The following UBE2L3 variants were observed in gnomAD, a reference collection of about 807,000 sequenced individuals.
The protein encoded by UBE2L3 is ubiquitin conjugating enzyme E2 L3.
In UBE2L3, 1 loss-of-function variant was observed where a neutral mutation model predicts 17.8. The observed-to-expected ratio is 0.06, with a 90% CI of 0.02 to 0.27. The LOEUF (loss-of-function observed/expected upper bound fraction) is 0.27. Ranked by LOEUF, UBE2L3 falls within the 10% of genes least tolerant of loss-of-function variation. The pLI is 1.00. For missense variants in UBE2L3, 40 were observed against 192.6 expected, an observed-to-expected ratio of 0.21 and a Z score of 4.69; for synonymous variants, 44 against 68.5, an observed-to-expected ratio of 0.64 and a Z score of 1.76.
chr22:21,614,560 C>G, intron 3 of UBE2L3: 4 of 1,367,490 alleles, frequency 2.9e-6, no homozygotes, highest in Non-Finnish European at 3.9e-6. Context: ...TCCTTAGAAA[C>G]TTCAGCGTTC....
At chr22:21,601,189 A>G (rs1406283370) in intron 2 of UBE2L3, among the ~76,000 whole-genome samples, 1 of 152,016 alleles carries the variant, frequency 6.6e-6, no homozygotes, top group African/African-American at 2.4e-5. Context: ...CAATCAATCA[A>G]TCAATCATAC....
chr22:21,573,417 C>G (rs1450305202), intron 1 of UBE2L3, among the ~76,000 whole-genome samples: 3 of 152,118 alleles, frequency 2.0e-5, no homozygotes, highest in African/African-American at 4.8e-5. Flanking sequence ...AACTTTTTGA[C>G]CTTTGAGACT....
At chr22:21,561,438 C>G (rs1165107694) in intron 1 of UBE2L3, among the ~76,000 whole-genome samples, 1 of 152,292 alleles carries the variant, frequency 6.6e-6, no homozygotes, top group Admixed American at 6.5e-5. Context: ...AAAAATTAGC[C>G]AGGCATGGAG....
chr22:21,589,484 G>T (rs1928144066), intron 1 of UBE2L3, among the ~76,000 whole-genome samples: 1 of 152,146 alleles, frequency 6.6e-6, no homozygotes, highest in Admixed American at 6.6e-5. Context: ...CTGTCCACAG[G>T]ACCGTCTTGT....
rs776307959 is a variant in UBE2L3 at position 21,605,384 on chromosome 22, A to AT, written c.124-5467dup. Among the ~76,000 whole-genome samples the AT allele has an allele frequency of 5.7e-4, 86 of 151,522 alleles. 1 individual carries two copies. The highest frequency in any genetic ancestry group is 1.0e-3 in the Non-Finnish European group (70 of 67,842). ...AGGTGCGTGCCACCACGCCCAGCTA[A>AT]TTTTTTGTATTTTTAGTAGAGACAG... is the stretch of plus-strand genomic sequence containing the variant. On this transcript the variant is annotated intron_variant, in intron 2 of 3. Coordinates refer to ENST00000342192, the MANE Select transcript of UBE2L3 (RefSeq NM_003347.4).
intron 1 of UBE2L3, among the ~76,000 whole-genome samples, chr22:21,559,239 T>G (rs574209038): frequency 6.6e-6 from 1 of 152,278 alleles, no homozygotes; most frequent in South Asian, 2.1e-4. Context: ...TCCCAGCTAC[T>G]CGGGAGGCTG....
chr22:21,593,793 G>C (rs1290683186), intron 2 of UBE2L3, among the ~76,000 whole-genome samples: 1 of 151,988 alleles, frequency 6.6e-6, no homozygotes, highest in Admixed American at 6.6e-5. Context: ...TTTGGAGCAC[G>C]GGCAGCATTC....
intron 1 of UBE2L3, among the ~76,000 whole-genome samples, 188 bp from the exon 2 acceptor site, chr22:21,592,673 A>T (rs1012928132): frequency 1.3e-5 from 2 of 152,236 alleles, no homozygotes; most frequent in Middle Eastern, 3.4e-3. Flanking sequence ...AGAGGCAACA[A>T]CCTTGCAGAG....
chr22:21,619,333 G>A (rs1364094663), intron 3 of UBE2L3, among the ~76,000 whole-genome samples: 1 of 152,188 alleles, frequency 6.6e-6, no homozygotes, highest in Non-Finnish European at 1.5e-5. Flanking sequence ...ACCTACCCCT[G>A]AAGAGGCTTA....
intron 1 of UBE2L3, among the ~76,000 whole-genome samples, chr22:21,576,726 G>A (rs559798956): frequency 6.6e-6 from 1 of 151,738 alleles, no homozygotes; most frequent in Non-Finnish European, 1.5e-5. Flanking sequence ...GAGCCACTGC[G>A]CCTGGCCGAA....
chr22:21,559,380 C>A (rs1333215983), intron 1 of UBE2L3, among the ~76,000 whole-genome samples: 1 of 149,436 alleles, frequency 6.7e-6, no homozygotes, highest in Admixed American at 6.6e-5. Flanking sequence ...AACAAACAAA[C>A]AATAAATGAA....
intron 1 of UBE2L3, 116 bp downstream of exon 1, chr22:21,567,887 C>T (rs1367667374): frequency 2.6e-6 from 4 of 1,533,852 alleles, no homozygotes; most frequent in East Asian, 4.9e-5. Context: ...CCTACACGGC[C>T]TCGTCGGTTC....
Position 21,575,631 on chromosome 22 carries a change from C to CTTTTT in UBE2L3, c.27+7884_27+7888dup, listed in dbSNP as rs533923826. 6.8e-4 allele frequency among the ~76,000 whole-genome samples: 50 copies of CTTTTT among 73,396 alleles called. 6 individuals carry two copies. Among genetic ancestry groups the CTTTTT allele is most frequent in the South Asian group, 2.6e-3 (4 of 1,556 alleles). 48.2% of individuals were successfully genotyped at this position (73,396 alleles called of 152,430 possible). On this transcript the variant is annotated intron_variant, in intron 1 of 3. Transcript: ENST00000342192. ...TACTTTTCCCAACAAAGTTGAATAG[C>CTTTTT]TTTTTTTTTTTTTTTTTTTTTTTTT...
chr22:21,575,133 C>G (rs1335714042), intron 1 of UBE2L3, among the ~76,000 whole-genome samples: 1 of 151,178 alleles, frequency 6.6e-6, no homozygotes, highest in African/African-American at 2.4e-5. Context: ...GTGGCATGTG[C>G]CTGTAATCCC....
chr22:21,567,686 G>C, upstream of UBE2L3: 1 of 1,556,052 alleles, frequency 6.4e-7, no homozygotes, highest in South Asian at 1.2e-5. Flanking sequence ...AAGTGCGGGG[G>C]CTCCAGCCGC....
chr22:21,571,467 G>A (rs1926960136), intron 1 of UBE2L3, among the ~76,000 whole-genome samples: 1 of 152,124 alleles, frequency 6.6e-6, no homozygotes, highest in Admixed American at 6.6e-5. Context: ...TCAGCGCGAT[G>A]GCACGATCTC....
At chr22:21,564,301 T>C (rs1247831797), upstream of UBE2L3, among the ~76,000 whole-genome samples, 1 of 152,176 alleles carries the variant, frequency 6.6e-6, no homozygotes, top group Non-Finnish European at 1.5e-5. Flanking sequence ...CCCCAAGTGC[T>C]AGGATTACAG....
At chr22:21,587,885 C>T (rs1313747410) in intron 1 of UBE2L3, among the ~76,000 whole-genome samples, 2 of 152,134 alleles carry the variant, frequency 1.3e-5, no homozygotes, top group African/African-American at 2.4e-5. Flanking sequence ...TGGGTGGCAC[C>T]CCTGGGCTTT....
chr22:21,552,156 T>G (rs1313203280), intron 1 of UBE2L3, among the ~76,000 whole-genome samples: 3 of 152,234 alleles, frequency 2.0e-5, no homozygotes, highest in Non-Finnish European at 4.4e-5. Flanking sequence ...TTTGGAGACA[T>G]GGATGGACAC....
Sources: gnomAD v4.1 joint callset for allele counts (sites outside exome capture counted in the v4.1 genomes callset) on GRCh38, gnomAD v4.1.1 for gene constraint, MANE v1.5 for transcripts, NCBI Gene and HGNC (gene_info 2026-07-23, HGNC 2026-07-21) for gene names.